Variants in MECOM observed in about 807,000 individuals in gnomAD.
MECOM encodes histone-lysine N-methyltransferase MECOM.
Under a neutral mutation model 116.3 loss-of-function variants are expected in MECOM, and 13 were observed. That is an observed-to-expected ratio of 0.11 (90% CI 0.07 to 0.18). The LOEUF (loss-of-function observed/expected upper bound fraction) is 0.18. Ranked by LOEUF, MECOM falls within the 10% of genes least tolerant of loss-of-function variation. MECOM has a pLI of 1.00. For missense variants in MECOM, 1,299 were observed against 1,509.0 expected (o/e 0.86, Z 2.31); for synonymous variants, 528 against 535.2 (o/e 0.99, Z 0.19).
intron 1 of MECOM, among the ~76,000 whole-genome samples, chr3:169,654,196 A>G (rs1358609480): frequency 6.6e-6 from 1 of 152,234 alleles, no homozygotes; most frequent in African/African-American, 2.4e-5. Flanking sequence ...AGGAGAGTCC[A>G]TTGTGTTGAC....
intron 1 of MECOM, among the ~76,000 whole-genome samples, chr3:169,472,657 A>AGGAAAGGAAAGGAAAGGAAAGGAAAG (rs1553863348): frequency 1.8e-5 from 1 of 55,908 alleles, no homozygotes; most frequent in African/African-American, 8.5e-5. Context: ...GGAAAAGAAA[A>AGGAAAGGAAAGGAAAGGAAAGGAAAG]GAAAGGAAAG....
intron 2 of MECOM, among the ~76,000 whole-genome samples, chr3:169,297,876 A>G (rs1280757376): frequency 6.6e-6 from 1 of 152,240 alleles, no homozygotes; most frequent in African/African-American, 2.4e-5. Flanking sequence ...TAAGTTTTAC[A>G]TAAGGTCCTT....
intron 1 of MECOM, among the ~76,000 whole-genome samples, chr3:169,623,595 G>T (rs1771004651): frequency 6.6e-6 from 1 of 152,104 alleles, no homozygotes; most frequent in African/African-American, 2.4e-5. Context: ...TGAAATATTT[G>T]TTGAACTATT....
At chr3:169,143,603 A>G in intron 3 of MECOM, 95 bp downstream of exon 3, 5 of 1,234,368 alleles carry the variant, frequency 4.1e-6, no homozygotes, top group Non-Finnish European at 3.3e-6. Context: ...AACAGGCCAC[A>G]AGGGTCTACT....
intron 1 of MECOM, among the ~76,000 whole-genome samples, chr3:169,443,141 C>T (rs879274537): frequency 3.9e-5 from 6 of 152,162 alleles, no homozygotes; most frequent in Non-Finnish European, 8.8e-5. Context: ...TCCTTCCAAT[C>T]TGCTTTGAAA....
Position 169,301,926 on chromosome 3 carries a change from T to C in MECOM, c.375+79261A>G, listed in dbSNP as rs115319927. On this transcript the variant is annotated intron_variant, in intron 2 of 16. Coordinates refer to ENST00000651503, the MANE Select transcript of MECOM (RefSeq NM_004991.4). ...AACACAAAGGAGGGGGGCTTAGCAC[T>C]GACATCAGTGCAGCTTGTTTAAATA... 1.2e-3 allele frequency among the ~76,000 whole-genome samples: 190 copies of C among 152,292 alleles called. 1 individual carries two copies. The highest frequency in any genetic ancestry group is 4.2e-3 in the African/African-American group (175 of 41,572).
intron 1 of MECOM, among the ~76,000 whole-genome samples, chr3:169,574,279 G>C (rs544201405): frequency 1.3e-5 from 2 of 152,192 alleles, no homozygotes; most frequent in African/African-American, 4.8e-5. Flanking sequence ...ACAGGACTGA[G>C]ATCTGGTGAT....
chr3:169,197,462 G>A (rs1748581595), intron 2 of MECOM, among the ~76,000 whole-genome samples: 1 of 151,892 alleles, frequency 6.6e-6, no homozygotes, highest in Non-Finnish European at 1.5e-5. Context: ...ATACTCAGAG[G>A]CTTCATGACT....
intron 1 of MECOM, among the ~76,000 whole-genome samples, chr3:169,577,915 T>C (rs1764701409): frequency 1.3e-5 from 2 of 152,252 alleles, no homozygotes; most frequent in Admixed American, 1.3e-4. Context: ...AAGTCAAAGC[T>C]AATCACTAAA....
At chr3:169,287,224 G>A (rs973538584) in intron 2 of MECOM, among the ~76,000 whole-genome samples, 1 of 152,168 alleles carries the variant, frequency 6.6e-6, no homozygotes, top group Non-Finnish European at 1.5e-5. Flanking sequence ...CAGGAAACAC[G>A]GATGGAGAGG....
intron 4 of MECOM, among the ~76,000 whole-genome samples, chr3:169,130,455 C>G (rs1339247687): frequency 6.6e-6 from 1 of 150,916 alleles, no homozygotes; most frequent in East Asian, 2.0e-4. Context: ...CAAAAGCGCC[C>G]CCCGCCCCCG....
chr3:169,470,628 TG>T lies in MECOM; in HGVS notation c.38-89105del, dbSNP rs751141097. Among the ~76,000 whole-genome samples, 476 of 152,252 alleles carry T rather than the reference TG, an allele frequency of 3.1e-3. 3 individuals are homozygous for T. The highest frequency in any genetic ancestry group is 4.0e-3 in the Non-Finnish European group (273 of 68,018). On this transcript the variant is annotated intron_variant, in intron 1 of 16. Transcript: ENST00000651503. ...GATATGTATTAGACTGTTCTATTCC[TG>T]GCCACAGAGAGAGAAATTCTGAGGC...
chr3:169,463,361 A>G (rs1747769832), intron 1 of MECOM, among the ~76,000 whole-genome samples: 1 of 152,182 alleles, frequency 6.6e-6, no homozygotes, highest in Non-Finnish European at 1.5e-5. Context: ...GGTTTGTTTT[A>G]AAGACTAATT....
At chr3:169,225,537 A>G (rs1467069712) in intron 2 of MECOM, among the ~76,000 whole-genome samples, 2 of 152,226 alleles carry the variant, frequency 1.3e-5, no homozygotes, top group Non-Finnish European at 2.9e-5. Context: ...GCCCATACCC[A>G]AAGATATTCT....
intron 2 of MECOM, chr3:169,146,582 G>C: frequency 3.6e-6 from 5 of 1,374,024 alleles, no homozygotes; most frequent in Non-Finnish European, 3.9e-6. Flanking sequence ...GCAGGGCTCC[G>C]CGAGACTGCG....
intron 1 of MECOM, among the ~76,000 whole-genome samples, chr3:169,539,437 A>T (rs749711505): frequency 6.6e-6 from 1 of 152,166 alleles, no homozygotes; most frequent in Non-Finnish European, 1.5e-5. Context: ...GCTCCAGGAC[A>T]ACTGCTTCTA....
chr3:169,224,087 A>T (rs534057385), intron 2 of MECOM, among the ~76,000 whole-genome samples: 18 of 152,260 alleles, frequency 1.2e-4, no homozygotes, highest in African/African-American at 3.9e-4. Context: ...GGTGCCTTTC[A>T]TCTAGGATAT....
intron 1 of MECOM, among the ~76,000 whole-genome samples, chr3:169,512,263 G>T (rs1756064530): frequency 6.6e-6 from 1 of 152,096 alleles, no homozygotes; most frequent in Non-Finnish European, 1.5e-5. Flanking sequence ...TGAGGCCAAG[G>T]CCAAGACTTA....
intron 5 of MECOM, 100 bp downstream of exon 5, chr3:169,127,744 A>G (rs909145755): frequency 1.3e-4 from 117 of 912,222 alleles, no homozygotes; most frequent in Non-Finnish European, 2.0e-4. Flanking sequence ...TGTCCAGCTC[A>G]CTGGAGTTCC....
Sources: gnomAD v4.1 joint callset for allele counts (sites outside exome capture counted in the v4.1 genomes callset) on GRCh38, gnomAD v4.1.1 for gene constraint, MANE v1.5 for transcripts, NCBI Gene and HGNC (gene_info 2026-07-23, HGNC 2026-07-21) for gene names.